RANBP2: variants seen among roughly 807,000 people sequenced by gnomAD.
RANBP2 encodes RAN binding protein 2.
Under a neutral mutation model 303.6 loss-of-function variants are expected in RANBP2, and 57 were observed. The ratio of observed to expected loss-of-function variants is 0.19; its 90% CI spans 0.15 to 0.23. The LOEUF (loss-of-function observed/expected upper bound fraction) is 0.23, where lower values mean the gene tolerates loss of function less well. RANBP2 is among the 10% of genes least tolerant of loss of function. The pLI is 1.00. For missense variants in RANBP2, 3,138 were observed against 3,780.8 expected (o/e 0.83, Z 4.46); for synonymous variants, 1,167 against 1,301.5 (o/e 0.90, Z 2.23).
chr2:109,649,113 T>C, the RANBP2 span, among the ~76,000 whole-genome samples: 1 of 152,188 alleles, frequency 6.6e-6, no homozygotes, highest in African/African-American at 2.4e-5. Context: ...TAATGCTCAC[T>C]AACAGTTATA....
At chr2:108,791,344 A>G in the RANBP2 span, among the ~76,000 whole-genome samples, 29 of 152,220 alleles carry the variant, frequency 1.9e-4, no homozygotes, top group Middle Eastern at 3.4e-3. Context: ...TTACTTATGT[A>G]TATTATTTTA....
the RANBP2 span, chr2:109,347,939 C>T: frequency 6.2e-7 from 1 of 1,603,632 alleles, no homozygotes; most frequent in Non-Finnish European, 8.5e-7. Context: ...GACTGTCTGA[C>T]CTTCACCAAG....
the RANBP2 span, among the ~76,000 whole-genome samples, chr2:109,024,973 A>G: frequency 6.6e-6 from 1 of 151,944 alleles, no homozygotes. Context: ...ATATTTCATC[A>G]CCCCAGATGG....
chr2:108,865,800 G>A, the RANBP2 span, among the ~76,000 whole-genome samples: 1 of 152,090 alleles, frequency 6.6e-6, no homozygotes, highest in African/African-American at 2.4e-5. Flanking sequence ...TGCTTACTCC[G>A]TGATGAGCCA....
the RANBP2 span, among the ~76,000 whole-genome samples, chr2:109,218,427 T>TTG: frequency 2.6e-5 from 4 of 152,320 alleles, no homozygotes; most frequent in Non-Finnish European, 4.4e-5. Context: ...ATGTTATGCT[T>TTG]AACAAAACGA....
the RANBP2 span, among the ~76,000 whole-genome samples, chr2:109,384,691 A>C: frequency 6.6e-6 from 1 of 151,884 alleles, no homozygotes; most frequent in South Asian, 2.1e-4. Context: ...TCCTAAGCCC[A>C]CCCCCGCTTT....
chr2:108,925,145 C>A, the RANBP2 span, among the ~76,000 whole-genome samples: 37 of 150,566 alleles, frequency 2.5e-4, 1 homozygote, highest in Middle Eastern at 3.4e-3. Flanking sequence ...CTATTGGTCC[C>A]GCTCCTGGGC....
At chr2:109,111,708 T>G in the RANBP2 span, among the ~76,000 whole-genome samples, 1 of 151,484 alleles carries the variant, frequency 6.6e-6, no homozygotes, top group Non-Finnish European at 1.5e-5. Context: ...TGTATACATG[T>G]GCCATGCTGG....
At chr2:108,815,792 TTTTG>T in the RANBP2 span, 2 of 660,960 alleles carry the variant, frequency 3.0e-6, no homozygotes, top group Non-Finnish European at 4.9e-6. Flanking sequence ...TTTGGAATTC[TTTTG>T]TTTGTTTGGA....
At chr2:109,215,572 G>GT in the RANBP2 span, among the ~76,000 whole-genome samples, 16 of 152,110 alleles carry the variant, frequency 1.1e-4, no homozygotes, top group Non-Finnish European at 1.5e-4. Context: ...GTCTGATGTA[G>GT]TTTTTTGCCT....
the RANBP2 span, among the ~76,000 whole-genome samples, chr2:108,838,069 A>G: frequency 6.6e-6 from 1 of 152,166 alleles, no homozygotes; most frequent in Admixed American, 6.6e-5. Context: ...GTTAGTTTGA[A>G]TAATTTTGGC....
the RANBP2 span, among the ~76,000 whole-genome samples, chr2:108,867,655 A>G: frequency 6.6e-6 from 1 of 152,178 alleles, no homozygotes; most frequent in African/African-American, 2.4e-5. Context: ...ACTGAAGAGG[A>G]AAATTCATTT....
At chr2:109,257,073 G>T in the RANBP2 span, among the ~76,000 whole-genome samples, 1 of 152,140 alleles carries the variant, frequency 6.6e-6, no homozygotes, top group Non-Finnish European at 1.5e-5. Flanking sequence ...TAGGGGCACC[G>T]TGTATTTCAG....
At chr2:108,741,149 G>A (rs1207793628) in intron 7 of RANBP2, among the ~76,000 whole-genome samples, 1 of 152,052 alleles carries the variant, frequency 6.6e-6, no homozygotes. Flanking sequence ...TTGTGTATAT[G>A]TAACAGTATA....
the RANBP2 span, among the ~76,000 whole-genome samples, chr2:108,814,473 T>C: frequency 6.6e-6 from 1 of 152,064 alleles, no homozygotes; most frequent in Non-Finnish European, 1.5e-5. Context: ...GGAGTTAGTT[T>C]CTATTTGAAA....
chr2:108,777,296 T>G, intron 25 of RANBP2, 65 bp downstream of exon 25: 1 of 1,232,484 alleles, frequency 8.1e-7, no homozygotes, highest in Non-Finnish European at 1.1e-6. Flanking sequence ...GAAAAACTAG[T>G]TTTTTGTTGC....
the RANBP2 span, among the ~76,000 whole-genome samples, chr2:109,164,147 A>G: frequency 6.6e-6 from 1 of 151,540 alleles, no homozygotes; most frequent in South Asian, 2.1e-4. Flanking sequence ...TTTTTGGTCC[A>G]GGAAAACTCT....
the RANBP2 span, among the ~76,000 whole-genome samples, chr2:109,051,331 T>G: frequency 6.6e-6 from 1 of 152,196 alleles, no homozygotes; most frequent in Non-Finnish European, 1.5e-5. Context: ...TTTTTGTCTG[T>G]GTTTCACTGT....
chr2:109,270,465 T>C, the RANBP2 span, among the ~76,000 whole-genome samples: 3 of 152,288 alleles, frequency 2.0e-5, no homozygotes, highest in South Asian at 2.1e-4. Flanking sequence ...TTGTTTCCAC[T>C]GCCTGAGCTG....
Sources: allele counts gnomAD v4.1 joint callset (sites outside exome capture counted in the v4.1 genomes callset), GRCh38; gene constraint gnomAD v4.1.1; transcripts MANE v1.5; gene names NCBI Gene and HGNC (gene_info 2026-07-23, HGNC 2026-07-21).